The following FGF14 variants were observed in gnomAD, a reference collection of about 807,000 sequenced individuals.
The protein encoded by FGF14 is fibroblast growth factor homologous factor 4.
A neutral mutation model predicts 25.5 loss-of-function variants in FGF14; 5 were observed. That is an observed-to-expected ratio of 0.20 (90% CI 0.10 to 0.41). The LOEUF (loss-of-function observed/expected upper bound fraction) is 0.41, where lower values mean the gene tolerates loss of function less well. Ranked by LOEUF, FGF14 falls within the 10% of genes least tolerant of loss-of-function variation. FGF14 has a pLI of 1.00. For synonymous variants in FGF14, 138 were observed against 118.3 expected (o/e 1.17, Z -1.08); for missense variants, 222 against 320.1 (o/e 0.69, Z 2.34).
chr13:102,214,404 T>A (rs2050282879), intron 1 of FGF14, among the ~76,000 whole-genome samples: 1 of 152,234 alleles, frequency 6.6e-6, no homozygotes, highest in Non-Finnish European at 1.5e-5. Flanking sequence ...CTTAAAAAAA[T>A]ATATACAAAT....
chr13:101,753,821 T>G (rs1205623345), intron 3 of FGF14, among the ~76,000 whole-genome samples: 1 of 151,642 alleles, frequency 6.6e-6, no homozygotes, highest in Admixed American at 6.6e-5. Flanking sequence ...AAAAAAAAAT[T>G]TCCTTGTTTA....
At chr13:102,193,816 A>G (rs1359198507) in intron 1 of FGF14, among the ~76,000 whole-genome samples, 1 of 152,178 alleles carries the variant, frequency 6.6e-6, no homozygotes, top group Non-Finnish European at 1.5e-5. Flanking sequence ...TATTATCTAA[A>G]ATATTCAGTT....
chr13:102,089,282 G>A (rs932873225), intron 1 of FGF14, among the ~76,000 whole-genome samples: 1 of 152,124 alleles, frequency 6.6e-6, no homozygotes, highest in African/African-American at 2.4e-5. Context: ...TATGTAAAAA[G>A]GGTAGAAAAT....
At chr13:101,856,503 G>A (rs1032102031) in intron 3 of FGF14, among the ~76,000 whole-genome samples, 3 of 151,848 alleles carry the variant, frequency 2.0e-5, no homozygotes, top group Admixed American at 6.6e-5. Flanking sequence ...GAAGTGAAAT[G>A]TTAAATGGCA....
intron 1 of FGF14, among the ~76,000 whole-genome samples, chr13:101,895,563 C>T (rs565662339): frequency 1.3e-5 from 2 of 152,092 alleles, no homozygotes; most frequent in East Asian, 3.9e-4. Flanking sequence ...CTTTAAAAAC[C>T]AAGTGAAAGA....
intron 1 of FGF14, among the ~76,000 whole-genome samples, chr13:102,324,281 G>C (rs1416862711): frequency 1.3e-5 from 2 of 152,114 alleles, no homozygotes; most frequent in Non-Finnish European, 2.9e-5. Flanking sequence ...TATGTGTTGT[G>C]ATGAAGAGCT....
intron 1 of FGF14, among the ~76,000 whole-genome samples, chr13:101,886,645 T>C (rs1275263795): frequency 2.0e-5 from 3 of 152,162 alleles, no homozygotes; most frequent in Admixed American, 1.3e-4. Context: ...GCAAGAATTT[T>C]GGGGTTAAGA....
chr13:101,919,912 G>A (rs183899702), upstream of FGF14, among the ~76,000 whole-genome samples: 5 of 152,170 alleles, frequency 3.3e-5, no homozygotes, highest in African/African-American at 7.2e-5. Flanking sequence ...CGGAGTCTCC[G>A]GGCATCTATT....
chr13:102,157,861 G>GT (rs2047421569), intron 1 of FGF14, among the ~76,000 whole-genome samples: 2 of 152,292 alleles, frequency 1.3e-5, no homozygotes, highest in South Asian at 4.1e-4. Context: ...AGTGGGAGAA[G>GT]ATATGAACAG....
chr13:101,763,048 A>G (rs908725387), intron 3 of FGF14, among the ~76,000 whole-genome samples: 1 of 152,220 alleles, frequency 6.6e-6, no homozygotes, highest in African/African-American at 2.4e-5. Flanking sequence ...TCTCTTTATC[A>G]TCACAAGGAA....
chr13:101,997,829 G>T (rs1305567370), intron 1 of FGF14, among the ~76,000 whole-genome samples: 1 of 151,868 alleles, frequency 6.6e-6, no homozygotes, highest in African/African-American at 2.4e-5. Flanking sequence ...GGGTTTTTCA[G>T]CCCATTTTTT....
In FGF14 at chr13:101,943,871, G is replaced by A. The variant is rs187867876; in HGVS notation, c.209-68575C>T. Among the ~76,000 whole-genome samples, 16 of 143,408 alleles carry A rather than the reference G, an allele frequency of 1.1e-4. No individual in the cohort carries two copies. The East Asian group carries it at 2.6e-3, about 23-fold the overall frequency. 94.1% of individuals were successfully genotyped at this position (143,408 alleles called of 152,430 possible). Reference sequence around the variant, plus strand: ...CACAAAATTAGCCAGGTGTGGTGGCGCATGCCTGTAATCCCAGGTACTGGG... The same window carrying A: ...CACAAAATTAGCCAGGTGTGGTGGCACATGCCTGTAATCCCAGGTACTGGG... On this transcript the variant is annotated intron_variant, in intron 1 of 4. Coordinates refer to the FGF14 transcript ENST00000376131.
At chr13:102,273,173 A>G (rs1232709019) in intron 1 of FGF14, among the ~76,000 whole-genome samples, 2 of 152,208 alleles carry the variant, frequency 1.3e-5, no homozygotes, top group Non-Finnish European at 2.9e-5. Context: ...GCAACGCTGG[A>G]CATATGGTGT....
intron 1 of FGF14, chr13:102,401,444 A>G (rs756658472): frequency 5.0e-6 from 8 of 1,606,242 alleles, no homozygotes; most frequent in Non-Finnish European, 6.0e-6. Flanking sequence ...ATGAGGAAAA[A>G]CATAACATGA....
chr13:102,048,768 G>A (rs1448679694), intron 1 of FGF14, among the ~76,000 whole-genome samples: 1 of 152,144 alleles, frequency 6.6e-6, no homozygotes, highest in African/African-American at 2.4e-5. Context: ...CAGAGTTTGT[G>A]CCCAATTCCA....
At chr13:102,161,664 G>A (rs1440619766) in intron 1 of FGF14, among the ~76,000 whole-genome samples, 3 of 32,438 alleles carry the variant, frequency 9.2e-5, no homozygotes, top group Non-Finnish European at 2.0e-4. Context: ...AGAAGAAGAA[G>A]AAGAAGAAGA....
At chr13:101,775,783 G>A (rs1205548901) in intron 3 of FGF14, among the ~76,000 whole-genome samples, 1 of 152,082 alleles carries the variant, frequency 6.6e-6, no homozygotes, top group Non-Finnish European at 1.5e-5. Context: ...GCCAGTGTGT[G>A]CTTTCATTTG....
chr13:101,914,622 A>G (rs1432000590), intron 1 of FGF14, among the ~76,000 whole-genome samples: 2 of 152,156 alleles, frequency 1.3e-5, no homozygotes, highest in East Asian at 3.9e-4. Flanking sequence ...AAAAGTAAAC[A>G]CCCAACTTAA....
chr13:102,276,854 A>G (rs568483994), intron 1 of FGF14, among the ~76,000 whole-genome samples: 6 of 152,338 alleles, frequency 3.9e-5, no homozygotes, highest in African/African-American at 1.4e-4. Context: ...CAGTGTTGCA[A>G]ACAATAATAG....
Sources: allele counts gnomAD v4.1 joint callset (sites outside exome capture counted in the v4.1 genomes callset), GRCh38; gene constraint gnomAD v4.1.1; transcripts MANE v1.5; gene names NCBI Gene and HGNC (gene_info 2026-07-23, HGNC 2026-07-21).